GPC5: variants seen among roughly 807,000 people sequenced by gnomAD.
The protein encoded by GPC5 is glypican 5, also known as glypican-5.
Under a neutral mutation model 53.9 loss-of-function variants are expected in GPC5, and 47 were observed. The observed-to-expected ratio is 0.87, with a 90% CI of 0.69 to 1.11. The LOEUF (loss-of-function observed/expected upper bound fraction) is 1.11. Among genes scored for constraint, GPC5 ranks in the 50% most tolerant of loss-of-function variants. The probability of loss-of-function intolerance (pLI) is 0.00; values close to 1 mark genes in which losing one functional copy is unlikely to be tolerated. For synonymous variants in GPC5, 286 were observed against 263.3 expected (o/e 1.09, Z -0.84); for missense variants, 748 against 713.1 (o/e 1.05, Z -0.56).
intron 6 of GPC5, among the ~76,000 whole-genome samples, chr13:92,014,169 CACTT>C (rs1164576554): frequency 1.3e-5 from 2 of 152,126 alleles, no homozygotes; most frequent in African/African-American, 4.8e-5. Context: ...CAGTAACTGA[CACTT>C]ATGGAGTGCT....
chr13:92,248,568 G>A (rs9523548), intron 7 of GPC5, among the ~76,000 whole-genome samples: 85,671 of 151,970 alleles, frequency 0.56, 24,418 homozygotes, highest in South Asian at 0.65. Context: ...AAGAGAAAAT[G>A]TATGTAAAGG....
At chr13:91,767,645 G>A (rs1241857627) in intron 5 of GPC5, among the ~76,000 whole-genome samples, 1 of 152,092 alleles carries the variant, frequency 6.6e-6, no homozygotes, top group Admixed American at 6.6e-5. Flanking sequence ...AAAAAATGAG[G>A]TTAAACATCC....
At chr13:91,878,963 T>C (rs2039234585) in intron 5 of GPC5, among the ~76,000 whole-genome samples, 1 of 152,152 alleles carries the variant, frequency 6.6e-6, no homozygotes, top group Non-Finnish European at 1.5e-5. Context: ...AGCCTAAGAT[T>C]TCTCTCTATA....
At chr13:92,741,397 A>G (rs1889089563) in intron 7 of GPC5, among the ~76,000 whole-genome samples, 1 of 151,854 alleles carries the variant, frequency 6.6e-6, no homozygotes, top group East Asian at 2.0e-4. Flanking sequence ...CTCTGCAGAG[A>G]GTCCCCATGA....
intron 5 of GPC5, among the ~76,000 whole-genome samples, chr13:91,776,937 CTT>C (rs1026567043): frequency 7.2e-5 from 11 of 152,194 alleles, no homozygotes; most frequent in African/African-American, 2.7e-4. Flanking sequence ...TTCAAAAGCT[CTT>C]TTAGCTCCTG....
rs185809691 is a variant in GPC5, at chr13:91,467,938, A to G, written c.325+19016A>G. Among the ~76,000 whole-genome samples the G allele has an allele frequency of 1.9e-4, 29 of 152,282 alleles. No individual in the cohort carries two copies. The East Asian group carries it at 4.6e-3, about 24-fold the overall frequency. On this transcript the variant is annotated intron_variant, in intron 2 of 7. Transcript: ENST00000377067. ...AGACAGGTTTTGGTCAGGATTGGCC[A>G]GGTTTACTGCAGTTATGTTGACCCC...
intron 6 of GPC5, among the ~76,000 whole-genome samples, chr13:91,998,277 A>G (rs1233320697): frequency 6.6e-6 from 1 of 152,218 alleles, no homozygotes; most frequent in Non-Finnish European, 1.5e-5. Flanking sequence ...CTGTAGGTAT[A>G]GAATAACTTG....
intron 2 of GPC5, among the ~76,000 whole-genome samples, chr13:91,622,689 TGCC>T (rs1438873251): frequency 6.6e-6 from 1 of 152,150 alleles, no homozygotes; most frequent in Non-Finnish European, 1.5e-5. Flanking sequence ...TGCCATGAGA[TGCC>T]TTTGTGATTT....
At chr13:91,664,764 T>C (rs11843202) in intron 2 of GPC5, among the ~76,000 whole-genome samples, 22,571 of 152,234 alleles carry the variant, frequency 0.15, 1,887 homozygotes, top group East Asian at 0.28. Context: ...ATTTTTTCAC[T>C]GTTTGAACTT....
chr13:92,359,283 T>C (rs549780137), intron 7 of GPC5, among the ~76,000 whole-genome samples: 1 of 151,762 alleles, frequency 6.6e-6, no homozygotes, highest in African/African-American at 2.4e-5. Flanking sequence ...TGACCTTTAC[T>C]CCATTTCCCA....
intron 6 of GPC5, among the ~76,000 whole-genome samples, chr13:91,941,390 A>G (rs1331411467): frequency 6.6e-6 from 1 of 151,692 alleles, no homozygotes; most frequent in Non-Finnish European, 1.5e-5. Context: ...CCAGTCCTTC[A>G]ATTATTTATT....
chr13:91,420,933 A>G (rs1878582233), intron 1 of GPC5, among the ~76,000 whole-genome samples: 1 of 152,218 alleles, frequency 6.6e-6, no homozygotes, highest in African/African-American at 2.4e-5. Flanking sequence ...CTTGGGTAGT[A>G]TCTTTACAGC....
chr13:91,829,481 A>G (rs1234252948), intron 5 of GPC5, among the ~76,000 whole-genome samples: 1 of 152,088 alleles, frequency 6.6e-6, no homozygotes, highest in Non-Finnish European at 1.5e-5. Context: ...TTTGATAATT[A>G]TTGTGTGATT....
chr13:91,794,913 C>T (rs2038023381), intron 5 of GPC5, among the ~76,000 whole-genome samples: 1 of 152,048 alleles, frequency 6.6e-6, no homozygotes, highest in Non-Finnish European at 1.5e-5. Context: ...TAAAGGTCAG[C>T]TACTGAATAC....
intron 6 of GPC5, among the ~76,000 whole-genome samples, chr13:91,972,163 A>G (rs1332226400): frequency 1.3e-5 from 2 of 152,166 alleles, no homozygotes; most frequent in African/African-American, 4.8e-5. Context: ...TATTGGGTGC[A>G]TATATATTTA....
Position 92,370,777 on chromosome 13 carries a change from A to G in GPC5, c.1561+225788A>G, listed in dbSNP as rs184024420. ...AAGATATATTTTATATGATTAGTTT[A>G]TTATATTTTGTTGGAAATTCATATT... On this transcript the variant is annotated intron_variant, in intron 7 of 7. Transcript: ENST00000377067. Among the ~76,000 whole-genome samples the G allele has an allele frequency of 3.7e-4, 56 of 152,306 alleles. No homozygotes were observed. The East Asian group carries it at 8.5e-3, about 23-fold the overall frequency.
chr13:92,436,094 TA>T (rs1395737867), intron 7 of GPC5, among the ~76,000 whole-genome samples: 1 of 152,192 alleles, frequency 6.6e-6, no homozygotes, highest in Admixed American at 6.6e-5. Context: ...GACCATAAGT[TA>T]CCATCTAGTC....
At chr13:91,673,792 A>G (rs1198383220) in intron 2 of GPC5, among the ~76,000 whole-genome samples, 1 of 152,218 alleles carries the variant, frequency 6.6e-6, no homozygotes, top group Non-Finnish European at 1.5e-5. Context: ...TTATAGAAAC[A>G]TAATTTAATA....
In GPC5 at chr13:92,105,003, G is replaced by A. The variant is rs141752099; in HGVS notation, c.1402-39827G>A. On this transcript the variant is annotated intron_variant, in intron 6 of 7. Coordinates refer to ENST00000377067, the MANE Select transcript of GPC5 (RefSeq NM_004466.6). The stretch of plus-strand genomic sequence containing the variant: ...AAACTTCTGTGTTCATATTTTTATA[G>A]ACCTCATGATTGTTAAGGTATAAAG... Among the ~76,000 whole-genome samples the A allele has an allele frequency of 7.8e-4, 118 of 152,158 alleles. 1 individual carries two copies. The highest frequency in any genetic ancestry group is 2.8e-3 in the African/African-American group (116 of 41,536).
Sources: allele counts gnomAD v4.1 joint callset (sites outside exome capture counted in the v4.1 genomes callset), GRCh38; gene constraint gnomAD v4.1.1; transcripts MANE v1.5; gene names NCBI Gene and HGNC (gene_info 2026-07-23, HGNC 2026-07-21).